The following PALM2AKAP2 variants were observed in gnomAD, a reference collection of about 807,000 sequenced individuals.
PALM2AKAP2 encodes the protein PALM2 and AKAP2 fusion, also known as PALM2-AKAP2 fusion protein.
A neutral mutation model predicts 71.5 loss-of-function variants in PALM2AKAP2; 37 were observed. The ratio of observed to expected loss-of-function variants is 0.52; its 90% CI spans 0.40 to 0.68. The LOEUF (loss-of-function observed/expected upper bound fraction) is 0.68. Among genes scored for constraint, PALM2AKAP2 ranks in the 30% least tolerant of loss-of-function variants. The pLI, the probability that PALM2AKAP2 is intolerant of heterozygous loss-of-function variation, is 0.00. For missense variants in PALM2AKAP2, 1,224 were observed against 1,191.8 expected (o/e 1.03, Z -0.40); for synonymous variants, 468 against 478.8 (o/e 0.98, Z 0.29).
intron 1 of PALM2AKAP2, among the ~76,000 whole-genome samples, chr9:110,071,914 C>G (rs1834215877): frequency 1.3e-5 from 2 of 152,142 alleles, no homozygotes; most frequent in African/African-American, 4.8e-5. Flanking sequence ...CATTCTAAGT[C>G]AAACACTTGG....
At chr9:110,003,858 C>CT (rs1203597586) in intron 6 of PALM2AKAP2, among the ~76,000 whole-genome samples, 6 of 152,092 alleles carry the variant, frequency 3.9e-5, no homozygotes, top group Admixed American at 2.6e-4. Context: ...CAACCCCTGC[C>CT]TTTTTTTGTT....
intron 1 of PALM2AKAP2, among the ~76,000 whole-genome samples, chr9:109,834,427 G>A (rs193036581): frequency 1.9e-4 from 29 of 152,210 alleles, no homozygotes; most frequent in Middle Eastern, 3.4e-3. Context: ...CTGATGTGCC[G>A]GTGAGAGTCT....
At position 109,816,485 on chromosome 9, in the gene PALM2AKAP2, G is replaced by A. The variant is rs565582043; in HGVS notation, c.45+35952G>A. Among the ~76,000 whole-genome samples the A allele has an allele frequency of 4.8e-4, 73 of 152,304 alleles. 2 individuals are homozygous for A. In the South Asian group the frequency reaches 0.015, roughly 31 times the overall value. ...GAGAGACAGGGAAAGAGGCGAGGCT[G>A]TGGTTGGAGTCTGGGCCGCTGCACC... On this transcript the variant is annotated intron_variant, in intron 1 of 9. Coordinates refer to the PALM2AKAP2 transcript ENST00000302798.
At chr9:110,151,477 C>T (rs946961246) in intron 2 of PALM2AKAP2, among the ~76,000 whole-genome samples, 2 of 152,216 alleles carry the variant, frequency 1.3e-5, no homozygotes, top group African/African-American at 4.8e-5. Context: ...ACCAGAAGTC[C>T]TCTGGTAAAC....
intron 3 of PALM2AKAP2, among the ~76,000 whole-genome samples, chr9:109,921,081 C>T (rs1349752750): frequency 1.3e-5 from 2 of 152,212 alleles, no homozygotes; most frequent in African/African-American, 4.8e-5. Flanking sequence ...GATTGGCCAG[C>T]CCCCTCTCCA....
At chr9:109,691,174 TAC>T (rs56966509) in intron 1 of PALM2AKAP2, among the ~76,000 whole-genome samples, 7,557 of 147,420 alleles carry the variant, frequency 0.051, 321 homozygotes, top group African/African-American at 0.11. Context: ...CTTTGAATTT[TAC>T]ACACACACAC....
intron 6 of PALM2AKAP2, among the ~76,000 whole-genome samples, chr9:110,005,215 C>T (rs540421068): frequency 6.6e-6 from 1 of 152,272 alleles, no homozygotes; most frequent in Non-Finnish European, 1.5e-5. Context: ...GTGTGGATGT[C>T]CTTGCTGTTT....
At chr9:110,152,123 G>C (rs897021640) in intron 2 of PALM2AKAP2, among the ~76,000 whole-genome samples, 12 of 152,152 alleles carry the variant, frequency 7.9e-5, no homozygotes, top group Non-Finnish European at 1.5e-5. Flanking sequence ...TGTAATCCCA[G>C]CTACTCAGGA....
intron 1 of PALM2AKAP2, among the ~76,000 whole-genome samples, chr9:110,076,059 A>G (rs1245228962): frequency 6.6e-6 from 1 of 152,096 alleles, no homozygotes; most frequent in Non-Finnish European, 1.5e-5. Flanking sequence ...AGTTTTTGCA[A>G]AGTGACCTCT....
rs546275615 is a variant in PALM2AKAP2, at chr9:109,841,380, G to A, written c.46-26111G>A. On this transcript the variant is annotated intron_variant, in intron 1 of 9. Transcript: ENST00000302798. ...GGGGCCTGTTGTGGGGTGGGGGTAG[G>A]GGGGAGGGATAGCATTAGGAGATAT... 1.1e-3 allele frequency among the ~76,000 whole-genome samples: 162 copies of A among 148,478 alleles called. 1 individual carries two copies. In the Middle Eastern group the frequency reaches 0.021, roughly 19 times the overall value.
At chr9:109,900,981 A>G (rs1026481169) in intron 3 of PALM2AKAP2, among the ~76,000 whole-genome samples, 1 of 152,230 alleles carries the variant, frequency 6.6e-6, no homozygotes, top group Admixed American at 6.5e-5. Context: ...AGGGAGTTTC[A>G]AGCTCATAGG....
At chr9:109,977,032 A>C (rs556440002) in intron 6 of PALM2AKAP2, among the ~76,000 whole-genome samples, 1 of 143,874 alleles carries the variant, frequency 7.0e-6, no homozygotes, top group South Asian at 2.2e-4. Context: ...GGGCTTGTTT[A>C]AAAAAAAAAA....
chr9:109,800,449 A>G (rs1257741946), intron 1 of PALM2AKAP2, among the ~76,000 whole-genome samples: 3 of 152,246 alleles, frequency 2.0e-5, no homozygotes, highest in Admixed American at 1.3e-4. Context: ...CTGAGTCCAG[A>G]TTCAAACTCA....
At chr9:110,016,082 G>T (rs766745984) in intron 7 of PALM2AKAP2, 43 bp downstream of exon 7, 1 of 1,589,870 alleles carries the variant, frequency 6.3e-7, no homozygotes, top group Non-Finnish European at 8.6e-7. Context: ...TGTATCTCTA[G>T]AGTAAAGGCA....
chr9:109,905,861 G>T (rs1044302593), intron 3 of PALM2AKAP2, among the ~76,000 whole-genome samples: 1 of 152,132 alleles, frequency 6.6e-6, no homozygotes, highest in African/African-American at 2.4e-5. Flanking sequence ...ATGGTGGCAG[G>T]TTCCTGTAAT....
intron 1 of PALM2AKAP2, among the ~76,000 whole-genome samples, chr9:109,766,947 A>G (rs1013034774): frequency 6.6e-6 from 1 of 152,140 alleles, no homozygotes; most frequent in African/African-American, 2.4e-5. Flanking sequence ...CCCCGACTCC[A>G]TTTGTGAGAA....
At chr9:109,798,774 CCTT>C (rs1827335943) in intron 1 of PALM2AKAP2, among the ~76,000 whole-genome samples, 1 of 152,316 alleles carries the variant, frequency 6.6e-6, no homozygotes. Context: ...AGAATTCTCT[CCTT>C]CTATCAATTT....
At chr9:109,759,442 A>G (rs1022788956) in intron 1 of PALM2AKAP2, among the ~76,000 whole-genome samples, 2 of 152,182 alleles carry the variant, frequency 1.3e-5, no homozygotes, top group Non-Finnish European at 2.9e-5. Context: ...AGTGTGAATC[A>G]TTTAGTCTCC....
At chr9:110,087,237 C>G (rs1387988227) in intron 1 of PALM2AKAP2, among the ~76,000 whole-genome samples, 4 of 152,202 alleles carry the variant, frequency 2.6e-5, no homozygotes, top group Non-Finnish European at 4.4e-5. Context: ...AGAAAGGTGT[C>G]CCCTTTTGTG....
Sources: gnomAD v4.1 joint callset for allele counts (sites outside exome capture counted in the v4.1 genomes callset) on GRCh38, gnomAD v4.1.1 for gene constraint, MANE v1.5 for transcripts, NCBI Gene and HGNC (gene_info 2026-07-23, HGNC 2026-07-21) for gene names.